ERAP1: variants seen among roughly 807,000 people sequenced by gnomAD.
ERAP1 encodes the protein endoplasmic reticulum aminopeptidase 1, also known as adipocyte-derived leucine aminopeptidase.
ERAP1 carries 86 observed loss-of-function variants against 103.7 expected under a neutral mutation model. The observed-to-expected ratio is 0.83, with a 90% CI of 0.70 to 0.99. The LOEUF (loss-of-function observed/expected upper bound fraction) is 0.99. ERAP1 is among the 50% of genes least tolerant of loss of function. The pLI is 0.00. For missense variants in ERAP1, 1,009 were observed against 1,128.4 expected (o/e 0.89, Z 1.52); for synonymous variants, 398 against 402.4 (o/e 0.99, Z 0.13).
At position 96,803,836 on chromosome 5, in the gene ERAP1, A is replaced by G. The variant is rs767547816; in HGVS notation, c.91T>C (p.Trp31Arg). ...LALLTVSTPS[W>R]CQSTEASPKR... ...GGAGATGCTTCAGTGCTCTGACACCATGAAGGAGTGGACACAGTTAAGAGA... is the reference window on the plus strand; with the variant it reads ...GGAGATGCTTCAGTGCTCTGACACCGTGAAGGAGTGGACACAGTTAAGAGA... The change falls in exon 2 of 19, where the codon TGG (tryptophan) becomes CGG (arginine). Residue 31 changes from tryptophan (W) to arginine (R), a missense_variant. Around this residue, in one of 3 missense-constraint regions of ERAP1, gnomAD observed 392 missense variants for 455.2 expected, o/e 0.86. Coordinates refer to ENST00000443439, the MANE Select transcript of ERAP1 (RefSeq NM_001040458.3). The G allele has an allele frequency of 3.1e-6, 5 of 1,614,178 alleles. No homozygotes were observed. Among genetic ancestry groups the G allele is most frequent in the African/African-American group, 2.7e-5 (2 of 75,052 alleles).
At chr5:96,834,093 G>C in the ERAP1 span, among the ~76,000 whole-genome samples, 2 of 152,312 alleles carry the variant, frequency 1.3e-5, no homozygotes, top group Admixed American at 6.5e-5. Flanking sequence ...GAAAGCGGTA[G>C]CCTTAATTTG....
At chr5:96,913,648 AAGGGAATGGG>A in the ERAP1 span, among the ~76,000 whole-genome samples, 1 of 152,182 alleles carries the variant, frequency 6.6e-6, no homozygotes, top group Non-Finnish European at 1.5e-5. Context: ...ACATGAGAAT[AAGGGAATGGG>A]AAACAGCCTT....
the ERAP1 span, among the ~76,000 whole-genome samples, chr5:96,876,768 T>G: frequency 6.6e-6 from 1 of 152,126 alleles, no homozygotes; most frequent in African/African-American, 2.4e-5. Flanking sequence ...TTTCTAAGCG[T>G]TTGTGACAAT....
At chr5:96,842,675 C>T in the ERAP1 span, among the ~76,000 whole-genome samples, 1 of 152,118 alleles carries the variant, frequency 6.6e-6, no homozygotes. Flanking sequence ...ATTCTGGATA[C>T]CAGTTCTTTT....
the ERAP1 span, among the ~76,000 whole-genome samples, chr5:96,862,384 C>G: frequency 6.6e-6 from 1 of 152,168 alleles, no homozygotes; most frequent in East Asian, 1.9e-4. Context: ...ACTTTTACAA[C>G]AAATAATCAT....
upstream of ERAP1, among the ~76,000 whole-genome samples, chr5:96,810,392 T>A (rs1051029077): frequency 6.6e-6 from 1 of 152,236 alleles, no homozygotes; most frequent in Admixed American, 6.5e-5. Context: ...TTAGATACTG[T>A]TAAATGCTAG....
the ERAP1 span, among the ~76,000 whole-genome samples, chr5:96,912,445 A>T: frequency 2.6e-5 from 4 of 152,148 alleles, no homozygotes; most frequent in Non-Finnish European, 4.4e-5. Flanking sequence ...TCAGTAGGAG[A>T]TAAAACACAA....
rs1409672284 is a variant in ERAP1 at position 96,783,229 on chromosome 5, G to T, written c.2107C>A (p.Leu703Ile). ...ATGAGGTCCCTTAGCAGCCTGATGA[G>T]GAAGGCCTGAGGGCGTTGTACAGGG... ...NEVETQFKAF[L>I]IRLLRDLIDK... Residue 703 changes from leucine to isoleucine, a missense_variant, in exon 15 of 19, where the codon CTC becomes ATC. Around this residue, in one of 3 missense-constraint regions of ERAP1, gnomAD observed 611 missense variants for 651.7 expected, o/e 0.94. Transcript: ENST00000443439. 2 of 1,610,780 alleles carry T rather than the reference G, an allele frequency of 1.2e-6. No homozygotes were observed. The highest frequency in any genetic ancestry group is 1.7e-6 in the Non-Finnish European group (2 of 1,177,264).
At chr5:96,862,348 C>G in the ERAP1 span, among the ~76,000 whole-genome samples, 3 of 152,088 alleles carry the variant, frequency 2.0e-5, no homozygotes, top group Non-Finnish European at 4.4e-5. Flanking sequence ...ACATTGCTAC[C>G]CAAGTGCCAT....
Position 96,775,968 on chromosome 5 carries a change from AC to A in ERAP1, c.*427del. ...GGAGGGGTGAGCCGGGAGAGCTTTA[AC>A]CCAGTCATCGTCCGGCTTAGTCTCA... On this transcript the variant is annotated 3_prime_UTR_variant, in exon 19 of 19. Coordinates refer to ENST00000443439, the MANE Select transcript of ERAP1 (RefSeq NM_001040458.3). 9.4e-7 allele frequency: 1 copy of A among 1,065,400 alleles called. No homozygotes were observed. Among genetic ancestry groups the A allele is most frequent in the African/African-American group, 1.7e-5 (1 of 59,328 alleles). 66.0% of individuals were successfully genotyped at this position (1,065,400 alleles called of 1,614,324 possible). A position where few individuals can be genotyped will look rare whatever the true frequency, so the allele number is the denominator to read the frequency against.
chr5:96,935,667 C>T, the ERAP1 span: 1 of 156,702 alleles, frequency 6.4e-6, no homozygotes, highest in African/African-American at 2.4e-5. Context: ...ACTGACTTTA[C>T]ACTCGTGTGT....
In ERAP1 at chr5:96,790,341, C is replaced by G. The variant is rs1483962033; in HGVS notation, c.1479G>C (p.Gly493=). The G allele has an allele frequency of 6.2e-6, 10 of 1,613,936 alleles. No homozygotes were observed. Among genetic ancestry groups the G allele is most frequent in the Non-Finnish European group, 7.6e-6 (9 of 1,179,972 alleles). ...GACTTCTAGAGCAAAAGCCATCCAT[C>G]CCTTTTACACCATCTGTAGGGCAAA... ...ASICPTDGVK[G]MDGFCSRSQH... is the part of the protein sequence containing the mutation. The change falls in exon 10 of 19, where the codon GGG becomes GGC. Residue 493 remains glycine (G), a synonymous_variant. Transcript: ENST00000443439.
At chr5:96,768,393 TTTA>T (rs1208258355) in intron 19 of ERAP1, 5 of 456,482 alleles carry the variant, frequency 1.1e-5, no homozygotes, top group Non-Finnish European at 2.2e-5. Context: ...CCTTACAATT[TTTA>T]AACTGTAGAA....
At chr5:96,827,750 C>T in the ERAP1 span, among the ~76,000 whole-genome samples, 1 of 152,156 alleles carries the variant, frequency 6.6e-6, no homozygotes. Flanking sequence ...TACTTTTCCC[C>T]TCTACCTCAC....
At chr5:96,824,325 G>C in the ERAP1 span, among the ~76,000 whole-genome samples, 2 of 152,148 alleles carry the variant, frequency 1.3e-5, no homozygotes, top group African/African-American at 4.8e-5. Flanking sequence ...TCAGGTTCTT[G>C]CCTCTGCTAC....
chr5:96,903,401 C>A, the ERAP1 span: 1 of 1,612,910 alleles, frequency 6.2e-7, no homozygotes, highest in South Asian at 1.1e-5. Context: ...CCTGAAAAGA[C>A]CAGTTGGGTG....
At chr5:96,767,934 GA>G (rs779064818) in intron 19 of ERAP1, 1 of 1,613,482 alleles carries the variant, frequency 6.2e-7, no homozygotes, top group South Asian at 1.1e-5. Context: ...AGACCCCATT[GA>G]TGCTCTCTCA....
chr5:96,808,876 C>T (rs763665785), upstream of ERAP1, among the ~76,000 whole-genome samples: 5 of 151,982 alleles, frequency 3.3e-5, no homozygotes, highest in Non-Finnish European at 7.4e-5. Context: ...TTGGATTTTG[C>T]GCAAGAAAGA....
chr5:96,861,480 G>A, the ERAP1 span, among the ~76,000 whole-genome samples: 68 of 152,110 alleles, frequency 4.5e-4, no homozygotes, highest in Non-Finnish European at 8.7e-4. Flanking sequence ...GATTTCACAG[G>A]GATAGTCTCA....
Sources: allele counts gnomAD v4.1 joint callset (sites outside exome capture counted in the v4.1 genomes callset), GRCh38; gene constraint gnomAD v4.1.1; regional missense constraint gnomAD v4.1.1; transcripts MANE v1.5; gene names NCBI Gene and HGNC (gene_info 2026-07-23, HGNC 2026-07-21).